Variants in CAPN13 observed in about 807,000 individuals in gnomAD.
CAPN13 encodes calpain-13.
CAPN13 carries 90 observed loss-of-function variants against 98.4 expected under a neutral mutation model. That is an observed-to-expected ratio of 0.92 (90% CI 0.77 to 1.09). The LOEUF (loss-of-function observed/expected upper bound fraction) is 1.09. Among genes scored for constraint, CAPN13 ranks in the 50% least tolerant of loss-of-function variants. CAPN13 has a pLI of 0.00. For missense variants in CAPN13, 887 were observed against 841.3 expected, an observed-to-expected ratio of 1.05 and a Z score of -0.67; for synonymous variants, 330 against 305.5, an observed-to-expected ratio of 1.08 and a Z score of -0.84.
chr2:30,741,705 A>G, intron 15 of CAPN13: 1 of 1,419,922 alleles, frequency 7.0e-7, no homozygotes, highest in South Asian at 1.5e-5. Flanking sequence ...AGTCCCCCGG[A>G]TGACACTGGG....
At chr2:30,769,666 C>T (rs1252981676) in intron 5 of CAPN13, among the ~76,000 whole-genome samples, 9 of 152,154 alleles carry the variant, frequency 5.9e-5, no homozygotes, top group East Asian at 3.9e-4. Context: ...AATCTAAGTA[C>T]GACATGTGAA....
At chr2:30,723,552 T>G (rs1670761630) in intron 22 of CAPN13, among the ~76,000 whole-genome samples, 1 of 151,948 alleles carries the variant, frequency 6.6e-6, no homozygotes, top group African/African-American at 2.4e-5. Flanking sequence ...GAGGGAAACT[T>G]GGGGGAGAGA....
chr2:30,783,922 T>C (rs1384863445), intron 2 of CAPN13, among the ~76,000 whole-genome samples: 3 of 152,160 alleles, frequency 2.0e-5, no homozygotes, highest in Non-Finnish European at 4.4e-5. Context: ...GTCTCATGCC[T>C]GTAATCCCAG....
At chr2:30,796,979 C>T (rs1189925572) in intron 1 of CAPN13, among the ~76,000 whole-genome samples, 2 of 152,190 alleles carry the variant, frequency 1.3e-5, no homozygotes, top group Non-Finnish European at 2.9e-5. Flanking sequence ...CCTTTGCTTG[C>T]AAGCATGGGC....
Position 30,730,734 on chromosome 2 carries a change from G to A in CAPN13, c.*26C>T, listed in dbSNP as rs1389105368. Reference sequence around the variant, plus strand: ...TCCAAAGCTACCATGTCTTACCTGAGCCATGGGTCTGCTTTCCTCTTTGCT... The same window carrying A: ...TCCAAAGCTACCATGTCTTACCTGAACCATGGGTCTGCTTTCCTCTTTGCT... On this transcript the variant is annotated 3_prime_UTR_variant, in exon 22 of 23. Coordinates refer to ENST00000295055, the MANE Select transcript of CAPN13 (RefSeq NM_144575.3). 1.3e-6 allele frequency: 1 copy of A among 780,876 alleles called. No individual in the cohort carries two copies. 48.4% of individuals were successfully genotyped at this position (780,876 alleles called of 1,614,324 possible). A position where few individuals can be genotyped will look rare whatever the true frequency, so the allele number is the denominator to read the frequency against.
chr2:30,741,368 C>T (rs143699262), intron 15 of CAPN13: 242 of 985,888 alleles, frequency 2.5e-4, no homozygotes, highest in Non-Finnish European at 2.8e-4. Context: ...CACACTAACA[C>T]AATTATTAAC....
chr2:30,731,456 C>G, intron 20 of CAPN13, 57 bp from the exon 21 acceptor site: 1 of 1,484,210 alleles, frequency 6.7e-7, no homozygotes, highest in Non-Finnish European at 9.2e-7. Flanking sequence ...CCAGGCAGTT[C>G]AGGGGAGGCA....
chr2:30,774,046 T>C (rs1040423862), intron 4 of CAPN13, among the ~76,000 whole-genome samples: 8 of 152,132 alleles, frequency 5.3e-5, no homozygotes, highest in Admixed American at 5.2e-4. Context: ...AGATTATCCC[T>C]TGCAAAACTT....
At chr2:30,783,005 A>G (rs6548035) in intron 2 of CAPN13, among the ~76,000 whole-genome samples, 111,406 of 152,126 alleles carry the variant, frequency 0.73, 41,342 homozygotes, top group African/African-American at 0.84. Context: ...GAACAGTGCG[A>G]GAAGAACATT....
Position 30,770,588 on chromosome 2 carries a change from G to T in CAPN13, c.388-139C>A, listed in dbSNP as rs10182688. 1.7e-3 allele frequency: 1,869 copies of T among 1,076,040 alleles called. 22 individuals carry two copies. In the African/African-American group the frequency reaches 0.025, roughly 14 times the overall value. 66.7% of individuals were successfully genotyped at this position (1,076,040 alleles called of 1,614,324 possible). A position where few individuals can be genotyped will look rare whatever the true frequency, so the allele number is the denominator to read the frequency against. On this transcript the variant is annotated intron_variant, in intron 4 of 22. Transcript: ENST00000295055. ...TATTCCGAACAAAATCCCAGCCCAGGTTGCCAGGCAGGAGACAGGCATGTC... is the reference window on the plus strand; with the variant it reads ...TATTCCGAACAAAATCCCAGCCCAGTTTGCCAGGCAGGAGACAGGCATGTC...
rs538307711 is a variant in CAPN13, at chr2:30,753,027, A to C, written c.1087+26T>G. On this transcript the variant is annotated intron_variant, in intron 10 of 22. Coordinates refer to ENST00000295055, the MANE Select transcript of CAPN13 (RefSeq NM_144575.3). Reference sequence around the variant, plus strand: ...TGGGGCAGCCAGCTTCCAGTTGGGCAGTGTGACCACCAGCGTCATGATTAC... The same window carrying C: ...TGGGGCAGCCAGCTTCCAGTTGGGCCGTGTGACCACCAGCGTCATGATTAC... 3.1e-5 allele frequency: 50 copies of C among 1,612,562 alleles called. No individual in the cohort carries two copies. In the South Asian group the frequency reaches 4.8e-4, roughly 16 times the overall value.
chr2:30,800,115 G>GA (rs1202719171), intron 1 of CAPN13, among the ~76,000 whole-genome samples: 4 of 54,800 alleles, frequency 7.3e-5, no homozygotes, highest in Admixed American at 2.1e-4. Flanking sequence ...AGAAAAGAAA[G>GA]AAAAGAAAGA....
intron 2 of CAPN13, among the ~76,000 whole-genome samples, chr2:30,784,064 C>T (rs898921225): frequency 5.3e-5 from 8 of 152,124 alleles, no homozygotes; most frequent in Admixed American, 1.3e-4. Context: ...CCTGTAATCC[C>T]GGCTACTCAG....
intron 11 of CAPN13, 124 bp downstream of exon 11, chr2:30,750,979 C>G: frequency 9.0e-7 from 1 of 1,112,378 alleles, no homozygotes; most frequent in African/African-American, 1.6e-5. Context: ...GCTACAGCCT[C>G]TTTGGGCTTT....
intron 9 of CAPN13, among the ~76,000 whole-genome samples, chr2:30,753,677 A>G (rs1013792584): frequency 1.3e-5 from 2 of 152,130 alleles, no homozygotes; most frequent in Admixed American, 1.3e-4. Context: ...TCTAATTTAT[A>G]TTTGTCCCTC....
intron 1 of CAPN13, among the ~76,000 whole-genome samples, chr2:30,793,252 T>C (rs1324098039): frequency 6.6e-6 from 1 of 151,734 alleles, no homozygotes; most frequent in Non-Finnish European, 1.5e-5. Context: ...CTAGAACTAA[T>C]ACTTAAATTT....
At chr2:30,767,379 T>C (rs1251248242) in intron 5 of CAPN13, among the ~76,000 whole-genome samples, 2 of 152,328 alleles carry the variant, frequency 1.3e-5, no homozygotes, top group Admixed American at 6.5e-5. Flanking sequence ...AGAATGCGGA[T>C]GCCAGGTCCA....
chr2:30,742,233 G>A, intron 14 of CAPN13, 93 bp downstream of exon 14: 4 of 1,400,938 alleles, frequency 2.9e-6, no homozygotes, highest in Non-Finnish European at 4.0e-6. Context: ...TCATTGGTTG[G>A]GGGCAGCGGG....
intron 1 of CAPN13, among the ~76,000 whole-genome samples, chr2:30,802,527 C>T (rs1037745089): frequency 9.1e-4 from 108 of 118,254 alleles, no homozygotes; most frequent in Middle Eastern, 4.2e-3. Flanking sequence ...GTGAGTGAAG[C>T]AGAGAAAGGC....
Sources: gnomAD v4.1 joint callset for allele counts (sites outside exome capture counted in the v4.1 genomes callset) on GRCh38, gnomAD v4.1.1 for gene constraint, MANE v1.5 for transcripts, NCBI Gene and HGNC (gene_info 2026-07-23, HGNC 2026-07-21) for gene names.